The following EGFLAM variants were observed in gnomAD, a reference collection of about 807,000 sequenced individuals.
EGFLAM encodes EGF like, fibronectin type III and laminin G domains, also known as pikachurin.
EGFLAM carries 79 observed loss-of-function variants against 113.1 expected under a neutral mutation model. The ratio of observed to expected loss-of-function variants is 0.70; its 90% CI spans 0.58 to 0.84. The LOEUF is 0.84. Among genes scored for constraint, EGFLAM ranks in the 40% least tolerant of loss-of-function variants. The pLI is 0.00. For missense variants in EGFLAM, 1,265 were observed against 1,291.6 expected, an observed-to-expected ratio of 0.98 and a Z score of 0.32; for synonymous variants, 504 against 487.6, an observed-to-expected ratio of 1.03 and a Z score of -0.44.
intron 1 of EGFLAM, among the ~76,000 whole-genome samples, chr5:38,270,295 A>T (rs1207879406): frequency 6.6e-6 from 1 of 152,230 alleles, no homozygotes; most frequent in Non-Finnish European, 1.5e-5. Flanking sequence ...AGGACCACCC[A>T]GATGACACTC....
chr5:38,412,602 G>A lies in EGFLAM; in HGVS notation c.1448G>A (p.Gly483Glu). Residue 483 changes from glycine to glutamate, a missense_variant, in exon 11 of 22, where the codon GGG becomes GAG. Gly to Glu is a moderately conservative substitution (Grantham distance 98, BLOSUM62 -2). Transcript: ENST00000322350. ...TVMLYRDGLN[G>E]LLQLNNGTPV... ...ATGCTCTACAGAGATGGGCTGAACG[G>A]GCTGCTGCAGCTGAACAATGGCACC... 6.2e-7 allele frequency: 1 copy of A among 1,614,140 alleles called. No homozygotes were observed. Among genetic ancestry groups the A allele is most frequent in the Non-Finnish European group, 8.5e-7 (1 of 1,180,022 alleles).
intron 1 of EGFLAM, among the ~76,000 whole-genome samples, chr5:38,336,632 A>G (rs60959612): frequency 2.8e-5 from 4 of 144,614 alleles, no homozygotes; most frequent in African/African-American, 8.2e-5. Flanking sequence ...TGAGCTTCCC[A>G]AATCCAAAAA....
Position 38,338,794 on chromosome 5 carries a change from A to AT in EGFLAM, c.291+14dup, listed in dbSNP as rs1217968037. ...CATCCCGACCACGGTGAGTCTTTCC[A>AT]TCCTGGCAGCCCACTCAAAAGCATG... On this transcript the variant is annotated intron_variant, in intron 3 of 21. Coordinates refer to ENST00000322350, the MANE Select transcript of EGFLAM (RefSeq NM_152403.4). 5.3e-5 allele frequency: 85 copies of AT among 1,613,464 alleles called. No individual in the cohort carries two copies. The highest frequency in any genetic ancestry group is 7.0e-5 in the Non-Finnish European group (83 of 1,179,390).
At chr5:38,402,557 C>T (rs1741149470) in intron 6 of EGFLAM, among the ~76,000 whole-genome samples, 1 of 152,224 alleles carries the variant, frequency 6.6e-6, no homozygotes, top group Admixed American at 6.5e-5. Context: ...GGAGAGCAGT[C>T]ACCAGACAGA....
At chr5:38,342,905 A>G (rs572474727) in intron 3 of EGFLAM, among the ~76,000 whole-genome samples, 2 of 152,274 alleles carry the variant, frequency 1.3e-5, no homozygotes, top group Non-Finnish European at 1.5e-5. Context: ...AATAGAGTTC[A>G]TGTGTTTTCT....
At chr5:38,351,859 G>A (rs1739634055) in intron 4 of EGFLAM, among the ~76,000 whole-genome samples, 1 of 152,132 alleles carries the variant, frequency 6.6e-6, no homozygotes, top group Admixed American at 6.5e-5. Context: ...TGTGACAGAA[G>A]GTTTTCCAGG....
chr5:38,325,900 T>A (rs1167824805), intron 1 of EGFLAM, among the ~76,000 whole-genome samples: 2 of 152,020 alleles, frequency 1.3e-5, no homozygotes, highest in Non-Finnish European at 2.9e-5. Context: ...TTTAAAAAAA[T>A]ACCTGAAAAT....
chr5:38,367,024 G>A (rs1462800298), intron 5 of EGFLAM, among the ~76,000 whole-genome samples: 1 of 152,152 alleles, frequency 6.6e-6, no homozygotes, highest in Non-Finnish European at 1.5e-5. Flanking sequence ...GAATTCACCT[G>A]CCCAGCAACC....
chr5:38,381,546 A>G (rs1393623123), intron 6 of EGFLAM, among the ~76,000 whole-genome samples: 1 of 152,182 alleles, frequency 6.6e-6, no homozygotes, highest in Non-Finnish European at 1.5e-5. Flanking sequence ...AAGTACTTGG[A>G]TGATTTGAAA....
intron 16 of EGFLAM, among the ~76,000 whole-genome samples, chr5:38,435,604 A>AC (rs1366523892): frequency 2.0e-5 from 3 of 152,032 alleles, no homozygotes; most frequent in South Asian, 4.1e-4. Flanking sequence ...GTGAATAGCA[A>AC]CCTTGGCTCT....
Position 38,412,667 on chromosome 5 carries a change from C to A in EGFLAM, c.1494+19C>A. 6.2e-7 allele frequency: 1 copy of A among 1,610,612 alleles called. No individual in the cohort carries two copies. Among genetic ancestry groups the A allele is most frequent in the Non-Finnish European group, 8.5e-7 (1 of 1,179,222 alleles). On this transcript the variant is annotated intron_variant, in intron 11 of 21. Transcript: ENST00000322350. Reference sequence around the variant, plus strand: ...GTCTCAGGTATGTATGAGCCCCACACCCTGCCCACCCCACATACCACCCAC... The same window carrying A: ...GTCTCAGGTATGTATGAGCCCCACAACCTGCCCACCCCACATACCACCCAC...
In EGFLAM at chr5:38,350,551, A is replaced by G. The variant is rs777845364; in HGVS notation, c.342A>G (p.Ile114Met). 3.7e-6 allele frequency: 6 copies of G among 1,614,110 alleles called. No individual in the cohort carries two copies. The highest frequency in any genetic ancestry group is 5.1e-6 in the Non-Finnish European group (6 of 1,179,982). Residue 114 changes from isoleucine (I) to methionine (M), a missense_variant, in exon 4 of 22, where the codon ATA becomes ATG. Transcript: ENST00000322350. Reference sequence around the variant, plus strand: ...CAGGCACTGAATATCGTGTGAGCATAGCAGCTTACAGCCAGGCTGGCAAAG... The same window carrying G: ...CAGGCACTGAATATCGTGTGAGCATGGCAGCTTACAGCCAGGCTGGCAAAG... ...LKPGTEYRVS[I>M]AAYSQAGKGR... is the part of the protein sequence containing the mutation.
At chr5:38,288,689 T>C (rs1375500115) in intron 1 of EGFLAM, among the ~76,000 whole-genome samples, 1 of 152,214 alleles carries the variant, frequency 6.6e-6, no homozygotes, top group Non-Finnish European at 1.5e-5. Flanking sequence ...AATGCTAATT[T>C]TCTTGTGGTA....
intron 17 of EGFLAM, among the ~76,000 whole-genome samples, chr5:38,443,832 G>A (rs1368534789): frequency 5.3e-5 from 8 of 150,492 alleles, no homozygotes; most frequent in African/African-American, 7.4e-5. Flanking sequence ...GTGCAGTGGC[G>A]TGATCTTGGC....
intron 1 of EGFLAM, among the ~76,000 whole-genome samples, chr5:38,324,745 C>T (rs901241583): frequency 6.6e-6 from 1 of 152,052 alleles, no homozygotes; most frequent in East Asian, 1.9e-4. Flanking sequence ...CTCTTAGGCT[C>T]GGGGGAAGGC....
chr5:38,283,045 A>G (rs907797976), intron 1 of EGFLAM, among the ~76,000 whole-genome samples: 2 of 152,080 alleles, frequency 1.3e-5, no homozygotes. Flanking sequence ...AGTAGAGACG[A>G]GGTCTCATTG....
intron 15 of EGFLAM, among the ~76,000 whole-genome samples, chr5:38,434,863 A>G (rs907998132): frequency 9.2e-5 from 14 of 152,326 alleles, no homozygotes; most frequent in East Asian, 1.9e-4. Context: ...CACAGTCATC[A>G]TGACATAGCT....
At chr5:38,325,498 C>A (rs377745487) in intron 1 of EGFLAM, among the ~76,000 whole-genome samples, 49 of 152,276 alleles carry the variant, frequency 3.2e-4, no homozygotes, top group African/African-American at 1.2e-3. Flanking sequence ...GATTTAGCAA[C>A]CAAAGAAAGA....
At chr5:38,337,149 T>TC (rs1328135716) in intron 1 of EGFLAM, among the ~76,000 whole-genome samples, 2 of 152,248 alleles carry the variant, frequency 1.3e-5, no homozygotes, top group Non-Finnish European at 2.9e-5. Flanking sequence ...ACATATATGC[T>TC]ATTGAGTAAA....
Sources: allele counts gnomAD v4.1 joint callset (sites outside exome capture counted in the v4.1 genomes callset), GRCh38; gene constraint gnomAD v4.1.1; transcripts MANE v1.5; gene names NCBI Gene and HGNC (gene_info 2026-07-23, HGNC 2026-07-21).